FGF12: variants seen among roughly 807,000 people sequenced by gnomAD.
FGF12 encodes the protein fibroblast growth factor 12B.
In FGF12, 14 loss-of-function variants were observed where a neutral mutation model predicts 23.6. The ratio of observed to expected loss-of-function variants is 0.59; its 90% CI spans 0.39 to 0.93. The LOEUF is 0.93. FGF12 is among the 40% of genes least tolerant of loss of function. The pLI, the probability that FGF12 is intolerant of heterozygous loss-of-function variation, is 0.00. For missense variants in FGF12, 175 were observed against 217.8 expected (o/e 0.80, Z 1.24); for synonymous variants, 62 against 77.3 (o/e 0.80, Z 1.04).
chr3:192,517,713 A>AT (rs1560136991), intron 2 of FGF12, among the ~76,000 whole-genome samples: 1 of 152,238 alleles, frequency 6.6e-6, no homozygotes, highest in Non-Finnish European at 1.5e-5. Context: ...ATATATCAAC[A>AT]TAAGTTTCTA....
At chr3:192,205,709 C>A (rs1164892026) in intron 4 of FGF12, among the ~76,000 whole-genome samples, 1 of 152,044 alleles carries the variant, frequency 6.6e-6, no homozygotes, top group African/African-American at 2.4e-5. Flanking sequence ...GAAAATGGTG[C>A]CCACTTCTGA....
chr3:192,342,471 G>GA (rs1717739707), intron 3 of FGF12, among the ~76,000 whole-genome samples: 1 of 151,984 alleles, frequency 6.6e-6, no homozygotes, highest in South Asian at 2.1e-4. Context: ...TTACAATTGA[G>GA]ATATTAAACA....
chr3:192,518,482 T>C (rs1724734627), intron 2 of FGF12, among the ~76,000 whole-genome samples: 1 of 152,226 alleles, frequency 6.6e-6, no homozygotes, highest in Non-Finnish European at 1.5e-5. Context: ...TAGGCATCTG[T>C]TCACTCTTGG....
At chr3:192,239,095 G>A (rs1399273640) in intron 4 of FGF12, among the ~76,000 whole-genome samples, 1 of 152,166 alleles carries the variant, frequency 6.6e-6, no homozygotes, top group African/African-American at 2.4e-5. Context: ...GAAAAGACAT[G>A]AGGTCTATGT....
At chr3:192,450,493 T>TCCTAA (rs1194264017) in intron 2 of FGF12, among the ~76,000 whole-genome samples, 1 of 152,200 alleles carries the variant, frequency 6.6e-6, no homozygotes, top group Non-Finnish European at 1.5e-5. Context: ...CACAGGATAC[T>TCCTAA]GAGTAGATTA....
At chr3:192,378,117 CTT>C (rs1553805118) in intron 2 of FGF12, among the ~76,000 whole-genome samples, 2 of 36,766 alleles carry the variant, frequency 5.4e-5, no homozygotes, top group South Asian at 8.0e-4. Flanking sequence ...TTCTTTCTCT[CTT>C]TGTTTTTTTT....
chr3:192,688,916 A>G (rs1717853677), intron 2 of FGF12, among the ~76,000 whole-genome samples: 1 of 152,250 alleles, frequency 6.6e-6, no homozygotes. Flanking sequence ...CCATAAAAAA[A>G]TAAAATTATG....
intron 4 of FGF12, among the ~76,000 whole-genome samples, chr3:192,240,319 A>G (rs2108594378): frequency 6.6e-6 from 1 of 152,306 alleles, no homozygotes; most frequent in East Asian, 1.9e-4. Flanking sequence ...AATCAATGTT[A>G]TAATAATAAT....
intron 2 of FGF12, among the ~76,000 whole-genome samples, chr3:192,442,556 C>T (rs769005857): frequency 4.6e-5 from 7 of 152,060 alleles, no homozygotes; most frequent in Non-Finnish European, 1.0e-4. Context: ...CTATCTGGGA[C>T]AGAGAAAAGA....
chr3:192,625,978 G>A (rs1001274732), intron 2 of FGF12, among the ~76,000 whole-genome samples: 22 of 152,188 alleles, frequency 1.4e-4, no homozygotes, highest in African/African-American at 5.3e-4. Context: ...ATATTAGAAA[G>A]ATGAGACAGT....
Position 192,144,030 on chromosome 3 carries a change from A to G in FGF12, c.525T>C (p.Val175=), listed in dbSNP as rs948132052. 1 of 1,611,256 alleles carries G rather than the reference A, an allele frequency of 6.2e-7. No homozygotes were observed. The highest frequency in any genetic ancestry group is 1.3e-5 in the African/African-American group (1 of 74,864). Residue 175 remains valine (V), a synonymous_variant, in exon 6 of 6, where the codon GTT becomes GTC. Coordinates refer to ENST00000445105, the MANE Select transcript of FGF12 (RefSeq NM_004113.6). ...SGTPTMNGGK[V]VNQDST is the part of the protein sequence containing the mutation. ...TCAGCTATGTTGAATCTTGATTCAC[A>G]ACTTTGCCTCCATTCATGGTTGGTG... is the stretch of plus-strand genomic sequence containing the variant.
At chr3:192,215,654 C>G (rs961567433) in intron 4 of FGF12, among the ~76,000 whole-genome samples, 1 of 152,188 alleles carries the variant, frequency 6.6e-6, no homozygotes, top group Non-Finnish European at 1.5e-5. Context: ...TTAGGAAGTT[C>G]TCATTGTCTC....
chr3:192,154,848 C>G (rs376351901), intron 5 of FGF12, among the ~76,000 whole-genome samples: 24,825 of 140,326 alleles, frequency 0.18, 2,383 homozygotes, highest in Middle Eastern at 0.22. Context: ...CCACCCAGTT[C>G]GAGCTTCCCG....
At chr3:192,610,209 A>G (rs1329166935) in intron 2 of FGF12, among the ~76,000 whole-genome samples, 1 of 152,062 alleles carries the variant, frequency 6.6e-6, no homozygotes, top group African/African-American at 2.4e-5. Flanking sequence ...GCTGCTGGGT[A>G]CAGAAATCTC....
intron 4 of FGF12, among the ~76,000 whole-genome samples, chr3:192,287,248 C>A (rs1476105385): frequency 6.6e-6 from 1 of 151,948 alleles, no homozygotes; most frequent in Non-Finnish European, 1.5e-5. Context: ...TTCCTTAACC[C>A]TCATCTGCAC....
At chr3:192,709,938 T>G (rs1718611249) in intron 2 of FGF12, among the ~76,000 whole-genome samples, 2 of 152,222 alleles carry the variant, frequency 1.3e-5, no homozygotes, top group Admixed American at 1.3e-4. Context: ...CTCATGGCAA[T>G]ATGCATGGCT....
intron 2 of FGF12, among the ~76,000 whole-genome samples, chr3:192,470,413 G>T (rs1290329458): frequency 2.0e-5 from 3 of 152,080 alleles, no homozygotes; most frequent in Non-Finnish European, 2.9e-5. Context: ...GTTGAGACAG[G>T]TTCTCACTCT....
In FGF12 at chr3:192,276,279, T is replaced by C. The variant is rs549992701; in HGVS notation, c.228+59082A>G. ...ACAACTTCAAGAGGAAATGCATGGG[T>C]AAAATGGATAAATCCCAGGCCTACA... is the stretch of plus-strand genomic sequence containing the variant. On this transcript the variant is annotated intron_variant, in intron 4 of 5. Transcript: ENST00000445105. Among the ~76,000 whole-genome samples the C allele has an allele frequency of 2.0e-5, 3 of 152,208 alleles. No homozygotes were observed. In the South Asian group the frequency reaches 6.2e-4, roughly 32 times the overall value.
At chr3:192,497,985 G>A (rs577858355) in intron 2 of FGF12, among the ~76,000 whole-genome samples, 1 of 79,012 alleles carries the variant, frequency 1.3e-5, no homozygotes, top group Non-Finnish European at 2.9e-5. Context: ...ATCAATAAAT[G>A]AATGAAGGAA....
Sources: gnomAD v4.1 joint callset for allele counts (sites outside exome capture counted in the v4.1 genomes callset) on GRCh38, gnomAD v4.1.1 for gene constraint, MANE v1.5 for transcripts, NCBI Gene and HGNC (gene_info 2026-07-23, HGNC 2026-07-21) for gene names.